EDC3: variants seen among roughly 807,000 people sequenced by gnomAD.
The protein encoded by EDC3 is enhancer of mRNA decapping 3.
EDC3 carries 20 observed loss-of-function variants against 41.8 expected under a neutral mutation model. That is an observed-to-expected ratio of 0.48 (90% CI 0.34 to 0.70). The LOEUF is 0.70. Ranked by LOEUF, EDC3 falls within the 30% of genes least tolerant of loss-of-function variation. The pLI, the probability that EDC3 is intolerant of heterozygous loss-of-function variation, is 0.01. For missense variants in EDC3, 444 were observed against 636.8 expected (o/e 0.70, Z 3.26); for synonymous variants, 206 against 243.2 (o/e 0.85, Z 1.42).
At chr15:74,652,102 TAC>T (rs1240682651) in intron 4 of EDC3, among the ~76,000 whole-genome samples, 2 of 152,232 alleles carry the variant, frequency 1.3e-5, no homozygotes, top group Non-Finnish European at 1.5e-5. Context: ...TAATTTCAAC[TAC>T]AGTTTCTACT....
intron 4 of EDC3, chr15:74,643,378 G>A (rs2062376462): frequency 6.6e-6 from 1 of 152,192 alleles, no homozygotes; most frequent in African/African-American, 2.4e-5. Context: ...AAACAAGAAA[G>A]GGAGAGATAA....
chr15:74,668,169 G>A (rs1164126971), intron 3 of EDC3, among the ~76,000 whole-genome samples: 1 of 152,140 alleles, frequency 6.6e-6, no homozygotes, highest in Admixed American at 6.6e-5. Flanking sequence ...TCATCAAAAT[G>A]TCTAGGTCAT....
At chr15:74,682,430 A>G (rs1481213714) in intron 1 of EDC3, among the ~76,000 whole-genome samples, 2 of 151,748 alleles carry the variant, frequency 1.3e-5, no homozygotes, top group Non-Finnish European at 2.9e-5. Flanking sequence ...CATCCTGGCT[A>G]ACACGGTGAA....
chr15:74,636,282 G>A (rs1312589511), intron 5 of EDC3: 1 of 153,450 alleles, frequency 6.5e-6, no homozygotes, highest in East Asian at 1.9e-4. Context: ...GGCATTAACA[G>A]TATCTATTTC....
intron 3 of EDC3, among the ~76,000 whole-genome samples, chr15:74,661,101 T>A (rs2062615280): frequency 6.6e-6 from 1 of 152,232 alleles, no homozygotes; most frequent in Non-Finnish European, 1.5e-5. Context: ...AATGAGTATG[T>A]GGCTTAAAAA....
chr15:74,656,136 T>G, intron 3 of EDC3, 68 bp from the exon 4 acceptor site: 1 of 1,416,668 alleles, frequency 7.1e-7, no homozygotes, highest in Non-Finnish European at 9.7e-7. Context: ...GGAAAATACA[T>G]TAGTCTTTTG....
At chr15:74,639,272 T>G (rs1343986394) in intron 5 of EDC3, 1 of 152,248 alleles carries the variant, frequency 6.6e-6, no homozygotes, top group East Asian at 1.9e-4. Flanking sequence ...ATAGCTCTAC[T>G]GAAATGTCTT....
intron 4 of EDC3, chr15:74,645,278 T>G (rs1348311733): frequency 2.0e-5 from 3 of 152,156 alleles, no homozygotes; most frequent in Admixed American, 1.3e-4. Flanking sequence ...AGTATTTTTG[T>G]AATAATTTAA....
chr15:74,640,645 G>A lies in EDC3; in HGVS notation c.821-26C>T, dbSNP rs1196803626. On this transcript the variant is annotated intron_variant, in intron 4 of 6. Transcript: ENST00000315127. ...CTGCAGTTCAAAAGGAGAAGAGAAA[G>A]GGAAAGTGACTACAGAAACCAAGTC... is the stretch of plus-strand genomic sequence containing the variant. 3.7e-6 allele frequency: 6 copies of A among 1,613,828 alleles called. No individual in the cohort carries two copies. The African/African-American group carries it at 6.7e-5, about 18-fold the overall frequency.
chr15:74,654,306 G>A (rs2062517409), intron 4 of EDC3, among the ~76,000 whole-genome samples: 1 of 151,372 alleles, frequency 6.6e-6, no homozygotes, highest in South Asian at 2.1e-4. Flanking sequence ...GAAATCACAC[G>A]CTGCATAAAC....
chr15:74,658,877 T>C (rs373160037), intron 3 of EDC3, among the ~76,000 whole-genome samples: 68 of 151,846 alleles, frequency 4.5e-4, no homozygotes, highest in African/African-American at 1.5e-3. Context: ...GAGGCGGAGG[T>C]TGCAGTGAGC....
chr15:74,648,712 G>A (rs911877264), intron 4 of EDC3, among the ~76,000 whole-genome samples: 1 of 152,114 alleles, frequency 6.6e-6, no homozygotes, highest in Non-Finnish European at 1.5e-5. Flanking sequence ...AAATCTCAGC[G>A]CACAGTGTGG....
rs546850263 is a variant in EDC3 at position 74,671,839 on chromosome 15, C to A, written c.165-65G>T. 9.5e-6 allele frequency: 14 copies of A among 1,479,150 alleles called. No homozygotes were observed. In the Admixed American group the frequency reaches 2.3e-4, roughly 24 times the overall value. The allele number at this position is 1,479,150 out of a possible 1,614,324, so 91.6% of individuals were successfully genotyped here. A position where few individuals can be genotyped will look rare whatever the true frequency, so the allele number is the denominator to read the frequency against. Reference sequence around the variant, plus strand: ...GTGGTAAGAATGATGAAACTGAGATCATTAGCAAACAGCTACCCCTTTGCA... The same window carrying A: ...GTGGTAAGAATGATGAAACTGAGATAATTAGCAAACAGCTACCCCTTTGCA... On this transcript the variant is annotated intron_variant, in intron 2 of 6. Transcript: ENST00000315127. This position sits in a 1 kb window ranked among gnomAD's most constrained non-coding sequence, Gnocchi z 4.6.
chr15:74,680,556 G>C (rs1344608482), intron 1 of EDC3, among the ~76,000 whole-genome samples: 3 of 152,156 alleles, frequency 2.0e-5, no homozygotes, highest in Non-Finnish European at 4.4e-5. Flanking sequence ...ACTAAATGGT[G>C]AAAGACTGAA....
chr15:74,641,269 C>T (rs987604141), intron 4 of EDC3: 14 of 152,168 alleles, frequency 9.2e-5, no homozygotes, highest in Non-Finnish European at 1.8e-4. Flanking sequence ...CCAGTACTCA[C>T]GAAACAGGGA....
rs373232563 is a variant in EDC3 at position 74,636,687 on chromosome 15, A to T, written c.975-1061T>A. On this transcript the variant is annotated intron_variant, in intron 5 of 6. Transcript: ENST00000315127. ...GAAGATGACAAGATGTTGTCAAGCT[A>T]AGAGGAGCTTCATAACTGCCCCCAT... 6 of 152,370 alleles carry T rather than the reference A, an allele frequency of 3.9e-5. No homozygotes were observed. In the East Asian group the frequency reaches 1.2e-3, roughly 29 times the overall value. The allele number at this position is 152,370 out of a possible 1,614,324, so 9.4% of individuals were successfully genotyped here. A position where few individuals can be genotyped will look rare whatever the true frequency, so the allele number is the denominator to read the frequency against.
chr15:74,655,709 G>C (rs556581951), intron 4 of EDC3, 24 bp downstream of exon 4: 2 of 1,578,644 alleles, frequency 1.3e-6, no homozygotes, highest in East Asian at 4.5e-5. Context: ...CAACCAGCAG[G>C]ATGTGGGACC....
chr15:74,638,090 T>A (rs910179546), intron 5 of EDC3: 2 of 152,254 alleles, frequency 1.3e-5, no homozygotes, highest in Non-Finnish European at 2.9e-5. Context: ...GTTCCTTTTT[T>A]CTTCAAAGAC....
intron 2 of EDC3, among the ~76,000 whole-genome samples, chr15:74,672,368 C>T (rs2062749990): frequency 6.6e-6 from 1 of 152,070 alleles, no homozygotes; most frequent in African/African-American, 2.4e-5. Flanking sequence ...TTCATTCACT[C>T]CCTCGCTCAT....
Sources: gnomAD v4.1 joint callset for allele counts (sites outside exome capture counted in the v4.1 genomes callset) on GRCh38, gnomAD v4.1.1 for gene constraint, Gnocchi (gnomAD v3.1) non-coding constraint, MANE v1.5 for transcripts, NCBI Gene and HGNC (gene_info 2026-07-23, HGNC 2026-07-21) for gene names.